Variants in LTF observed in about 807,000 individuals in gnomAD.
LTF encodes the protein lactotransferrin.
Under a neutral mutation model 87.2 loss-of-function variants are expected in LTF, and 91 were observed. That is an observed-to-expected ratio of 1.04 (90% CI 0.88 to 1.24). LTF has a LOEUF of 1.24. LTF is among the 50% of genes most tolerant of loss of function. The pLI is 0.00. For missense variants in LTF, 901 were observed against 904.3 expected, an observed-to-expected ratio of 1.00 and a Z score of 0.05; for synonymous variants, 378 against 356.1, an observed-to-expected ratio of 1.06 and a Z score of -0.69.
rs149432103 is a variant in LTF, at chr3:46,460,084, A to G, written c.44-265T>C. On this transcript the variant is annotated intron_variant, in intron 1 of 16. Transcript: ENST00000231751. ...TTATTTTCATTCCTATGACTTTGAC[A>G]TGTTTCCTACCACTTAAAAAATGAT... Among the ~76,000 whole-genome samples the G allele has an allele frequency of 5.3e-5, 8 of 152,320 alleles. No homozygotes were observed. The East Asian group carries it at 1.4e-3, about 26-fold the overall frequency.
upstream of LTF, among the ~76,000 whole-genome samples, chr3:46,467,564 C>T (rs1006011686): frequency 1.3e-4 from 20 of 152,124 alleles, no homozygotes; most frequent in Non-Finnish European, 2.8e-4. Flanking sequence ...ACCCAGTGAC[C>T]AATTACCTGA....
At position 46,455,287 on chromosome 3, in the gene LTF, T is replaced by A; in HGVS notation, c.647+8A>T. On this transcript the variant is annotated splice_region_variant and intron_variant, in intron 5 of 16. Transcript: ENST00000231751. ...GGCCACTGACGAGAAGGGGACAGGG[T>A]CACTCACTTGAAGGCACCAGAGTAG... 1 of 1,613,956 alleles carries A rather than the reference T, an allele frequency of 6.2e-7. No homozygotes were observed. The highest frequency in any genetic ancestry group is 8.5e-7 in the Non-Finnish European group (1 of 1,179,970).
intron 1 of LTF, among the ~76,000 whole-genome samples, chr3:46,476,460 A>G (rs999712606): frequency 1.3e-5 from 2 of 152,222 alleles, no homozygotes; most frequent in East Asian, 3.8e-4. Context: ...AATCATACCA[A>G]TTTATTTTCA....
chr3:46,455,239 C>G (rs568372934), intron 5 of LTF, 56 bp downstream of exon 5: 1 of 1,608,130 alleles, frequency 6.2e-7, no homozygotes, highest in Non-Finnish European at 8.5e-7. Flanking sequence ...AAAGGCCTCC[C>G]GGCCTGAGGC....
At chr3:46,443,329 A>T in intron 13 of LTF, 112 bp downstream of exon 13, 1 of 1,312,720 alleles carries the variant, frequency 7.6e-7, no homozygotes, top group Non-Finnish European at 1.1e-6. Context: ...GACCCACAGG[A>T]TGACCCCCAC....
chr3:46,439,388 T>C lies in LTF; in HGVS notation c.1816A>G (p.Arg606Gly), dbSNP rs758159829. 1 of 1,614,254 alleles carries C rather than the reference T, an allele frequency of 6.2e-7. No individual in the cohort carries two copies. Among genetic ancestry groups the C allele is most frequent in the South Asian group, 1.1e-5 (1 of 91,088 alleles). ...DGKRKPVTEA[R>G]SCHLAMAPNH... ...GGGGCCATGGCAAGATGGCAGCTTC[T>C]AGCCTCAGTCACAGGCTTCCGTTTG... Residue 606 changes from arginine to glycine, a missense_variant, in exon 15 of 17, where the codon AGA becomes GGA. Arg to Gly is a moderately radical substitution (Grantham distance 125, BLOSUM62 -2). Coordinates refer to ENST00000231751, the MANE Select transcript of LTF (RefSeq NM_002343.6).
At chr3:46,480,282 T>C (rs1439884796) in intron 1 of LTF, among the ~76,000 whole-genome samples, 1 of 152,238 alleles carries the variant, frequency 6.6e-6, no homozygotes, top group East Asian at 1.9e-4. Flanking sequence ...GTCCAGCTCC[T>C]GGGGTTTGTA....
chr3:46,472,527 T>TGTGTGTGTGTGA (rs1402389714), intron 1 of LTF, among the ~76,000 whole-genome samples: 115 of 130,810 alleles, frequency 8.8e-4, no homozygotes, highest in South Asian at 1.5e-3. Context: ...TGTGTGTGTG[T>TGTGTGTGTGTGA]GAGAGAGAGA....
intron 12 of LTF, 119 bp from the exon 13 acceptor site, chr3:46,443,701 G>A: frequency 1.1e-6 from 1 of 888,526 alleles, no homozygotes; most frequent in Non-Finnish European, 1.8e-6. Flanking sequence ...CAGCAATCTA[G>A]ATAGAACACA....
intron 1 of LTF, among the ~76,000 whole-genome samples, chr3:46,477,613 G>T (rs1023928895): frequency 2.0e-5 from 3 of 152,188 alleles, no homozygotes; most frequent in African/African-American, 4.8e-5. Flanking sequence ...TCATAAAATT[G>T]TTAGAACTTA....
At chr3:46,449,268 T>C (rs1310865593) in intron 8 of LTF, among the ~76,000 whole-genome samples, 1 of 152,188 alleles carries the variant, frequency 6.6e-6, no homozygotes, top group Non-Finnish European at 1.5e-5. Context: ...TATCCATTAA[T>C]CTTTAGAGTC....
chr3:46,472,519 TGTGTGTGTGAGA>T (rs1399266834), intron 1 of LTF, among the ~76,000 whole-genome samples: 11 of 149,362 alleles, frequency 7.4e-5, no homozygotes, highest in Admixed American at 2.7e-4. Flanking sequence ...TGTGTGTGTG[TGTGTGTGTGAGA>T]GAGAGAGAGA....
At position 46,450,639 on chromosome 3, in the gene LTF, A is replaced by G; in HGVS notation, c.738T>C (p.Tyr246=). The G allele has an allele frequency of 1.2e-6, 2 of 1,613,134 alleles. No homozygotes were observed. Among genetic ancestry groups the G allele is most frequent in the Non-Finnish European group, 8.5e-7 (1 of 1,179,140 alleles). ...DLSDEAERDE[Y]ELLCPDNTRK... is the part of the protein sequence containing the mutation. ...GAGTGTTGTCTGGGCAGAGTAACTC[A>G]TACTCGTCCCTTTCAGCCTCGTCTG... is the stretch of plus-strand genomic sequence containing the variant. The change falls in exon 7 of 17, where the codon TAT becomes TAC. Residue 246 remains tyrosine (Y), a synonymous_variant. Transcript: ENST00000231751.
In LTF at chr3:46,464,250, CTCA is replaced by C. The variant is rs1381167669; in HGVS notation, c.43+572_43+574del. Among the ~76,000 whole-genome samples, 3 of 152,272 alleles carry C rather than the reference CTCA, an allele frequency of 2.0e-5. No individual in the cohort carries two copies. The East Asian group carries it at 5.8e-4, about 29-fold the overall frequency. On this transcript the variant is annotated intron_variant, in intron 1 of 16. Coordinates refer to ENST00000231751, the MANE Select transcript of LTF (RefSeq NM_002343.6). Reference sequence around the variant, plus strand: ...CCTTCTGTTTGGCTGACATTTCCCTCTCAAACCCTCTGACACAGGGTTCCATCA... The same window carrying C: ...CCTTCTGTTTGGCTGACATTTCCCTCAACCCTCTGACACAGGGTTCCATCA...
At chr3:46,460,439 T>C in intron 1 of LTF, 1 of 395,198 alleles carries the variant, frequency 2.5e-6, no homozygotes, top group Non-Finnish European at 5.1e-6. Flanking sequence ...CCATTCACTC[T>C]GCACAGAAAG....
Position 46,435,971 on chromosome 3 carries a change from G to A in LTF, c.*224C>T. 1 of 575,186 alleles carries A rather than the reference G, an allele frequency of 1.7e-6. No homozygotes were observed. Among genetic ancestry groups the A allele is most frequent in the Admixed American group, 3.1e-5 (1 of 32,578 alleles). The allele number at this position is 575,186 out of a possible 1,614,324, so 35.6% of individuals were successfully genotyped here. ...GTATTTTGTCAGGCATGTGATTTCA[G>A]TATAAAATTCTAGAAAAGATGAGTG... On this transcript the variant is annotated 3_prime_UTR_variant, in exon 17 of 17. Coordinates refer to ENST00000231751, the MANE Select transcript of LTF (RefSeq NM_002343.6).
chr3:46,446,567 A>C, intron 10 of LTF, 74 bp from the exon 11 acceptor site: 1,229 of 1,228,924 alleles, frequency 1.0e-3, no homozygotes, highest in Non-Finnish European at 1.3e-3. Context: ...CTTAAATCTC[A>C]ATGATGCAGA....
chr3:46,463,567 A>G, intron 1 of LTF: 1 of 985,512 alleles, frequency 1.0e-6, no homozygotes, highest in Non-Finnish European at 1.2e-6. Flanking sequence ...CACCATCCCA[A>G]TTGACTGCAG....
chr3:46,443,844 T>A (rs1702581814), intron 12 of LTF, among the ~76,000 whole-genome samples: 1 of 152,198 alleles, frequency 6.6e-6, no homozygotes. Context: ...GGTCCCGTCA[T>A]CACAGCCTTG....
Sources: allele counts gnomAD v4.1 joint callset (sites outside exome capture counted in the v4.1 genomes callset), GRCh38; gene constraint gnomAD v4.1.1; transcripts MANE v1.5; gene names NCBI Gene and HGNC (gene_info 2026-07-23, HGNC 2026-07-21).